SNX30: variants seen among roughly 807,000 people sequenced by gnomAD.
SNX30 encodes sorting nexin-30.
In SNX30, 24 loss-of-function variants were observed where a neutral mutation model predicts 46.4. That is an observed-to-expected ratio of 0.52 (90% CI 0.37 to 0.73). SNX30 has a LOEUF of 0.73. Ranked by LOEUF, SNX30 falls within the 30% of genes least tolerant of loss-of-function variation. The pLI is 0.00. For synonymous variants in SNX30, 189 were observed against 211.5 expected, an observed-to-expected ratio of 0.89 and a Z score of 0.92; for missense variants, 533 against 555.7, an observed-to-expected ratio of 0.96 and a Z score of 0.41.
intron 2 of SNX30, among the ~76,000 whole-genome samples, chr9:112,808,698 T>C (rs371631621): frequency 2.6e-4 from 34 of 128,434 alleles, no homozygotes; most frequent in African/African-American, 9.2e-4. Context: ...GCTGACTTTC[T>C]ATACTACTTC....
chr9:112,864,981 A>ACG (rs1319122802), intron 8 of SNX30, among the ~76,000 whole-genome samples: 156 of 89,002 alleles, frequency 1.8e-3, no homozygotes, highest in African/African-American at 2.6e-3. Flanking sequence ...GCGCACGCAC[A>ACG]TGCGCGTGCA....
chr9:112,770,362 G>T (rs1261866122), intron 1 of SNX30, among the ~76,000 whole-genome samples: 1 of 151,776 alleles, frequency 6.6e-6, no homozygotes, highest in Non-Finnish European at 1.5e-5. Context: ...TAGTAGAGAT[G>T]GGGTTTCACC....
intron 6 of SNX30, among the ~76,000 whole-genome samples, chr9:112,844,926 G>T (rs1217707329): frequency 6.6e-6 from 1 of 152,168 alleles, no homozygotes; most frequent in Admixed American, 6.5e-5. Flanking sequence ...GGCCATTTCC[G>T]GTGCCTTTCC....
chr9:112,796,817 A>G lies in SNX30; in HGVS notation c.157-7959A>G, dbSNP rs555678952. Among the ~76,000 whole-genome samples the G allele has an allele frequency of 5.3e-5, 8 of 152,214 alleles. No individual in the cohort carries two copies. The South Asian group carries it at 1.7e-3, about 32-fold the overall frequency. ...ACACTTCTTCACTCCGCCGTGTCCC[A>G]TTGCCCTTCCCAGATGTCCCGTCAT... On this transcript the variant is annotated intron_variant, in intron 1 of 8. Transcript: ENST00000374232.
intron 2 of SNX30, among the ~76,000 whole-genome samples, chr9:112,813,308 AC>A (rs1343414268): frequency 6.6e-6 from 1 of 150,632 alleles, no homozygotes; most frequent in African/African-American, 2.4e-5. Context: ...TACAAAAAAA[AC>A]AAACAAAAAA....
intron 1 of SNX30, among the ~76,000 whole-genome samples, chr9:112,787,809 T>C (rs1307799451): frequency 6.6e-6 from 1 of 151,986 alleles, no homozygotes; most frequent in African/African-American, 2.4e-5. Flanking sequence ...GCTTTTTTTT[T>C]TTTTAAAGAT....
intron 7 of SNX30, among the ~76,000 whole-genome samples, chr9:112,854,649 C>T (rs1228519247): frequency 2.6e-5 from 4 of 152,168 alleles, no homozygotes; most frequent in African/African-American, 9.7e-5. Flanking sequence ...TGTAATGTAA[C>T]AGTGGCAGCA....
downstream of SNX30, among the ~76,000 whole-genome samples, chr9:112,883,333 C>T (rs886199461): frequency 1.3e-5 from 2 of 152,122 alleles, no homozygotes; most frequent in African/African-American, 4.8e-5. Context: ...GGAGAGGCCG[C>T]ACCCAGATAC....
At chr9:112,769,543 C>G (rs1321012693) in intron 1 of SNX30, among the ~76,000 whole-genome samples, 2 of 152,240 alleles carry the variant, frequency 1.3e-5, no homozygotes, top group East Asian at 1.9e-4. Flanking sequence ...ACAGGAAGAG[C>G]TGAATCTTCA....
At chr9:112,779,305 T>G (rs1383040892) in intron 1 of SNX30, among the ~76,000 whole-genome samples, 1 of 152,214 alleles carries the variant, frequency 6.6e-6, no homozygotes, top group East Asian at 1.9e-4. Context: ...TGGTGAGCTT[T>G]TTGTGGATTC....
intron 1 of SNX30, among the ~76,000 whole-genome samples, chr9:112,781,559 G>A (rs787302): frequency 0.94 from 142,750 of 152,326 alleles, 66,968 homozygotes; most frequent in East Asian, 1. Flanking sequence ...CCAAAAGGGT[G>A]TATCTGTCCA....
chr9:112,804,797 G>C lies in SNX30; in HGVS notation c.178G>C (p.Gly60Arg), dbSNP rs759033165. Reference sequence around the variant, plus strand: ...TTAGGATCTCATTTTGCCCAACGGTGGTACTCCAGCAGGTACTTCAAGTCC... The same window carrying C: ...TTAGGATCTCATTTTGCCCAACGGTCGTACTCCAGCAGGTACTTCAAGTCC... ...GDKDLILPNG[G>R]TPAGTSSPAS... The change falls in exon 2 of 9, where the codon GGT (glycine) becomes CGT (arginine). Residue 60 changes from glycine (G) to arginine (R), a missense_variant. Gly to Arg is a moderately radical substitution (Grantham distance 125, BLOSUM62 -2). Coordinates refer to ENST00000374232, the MANE Select transcript of SNX30 (RefSeq NM_001012994.2). 2 of 1,610,400 alleles carry C rather than the reference G, an allele frequency of 1.2e-6. No individual in the cohort carries two copies. The highest frequency in any genetic ancestry group is 1.3e-5 in the African/African-American group (1 of 74,778).
At position 112,850,949 on chromosome 9, in the gene SNX30, A is replaced by T; in HGVS notation, c.1101+4A>T. ...GCGGAAGGAAGACCGCCCCAAGGTC[A>T]GGGAAGCCACCTGGGAAGGGCTGCA... On this transcript the variant is annotated splice_donor_region_variant and intron_variant, in intron 7 of 8. Coordinates refer to ENST00000374232, the MANE Select transcript of SNX30 (RefSeq NM_001012994.2). 6.2e-7 allele frequency: 1 copy of T among 1,613,458 alleles called. No individual in the cohort carries two copies. The highest frequency in any genetic ancestry group is 8.5e-7 in the Non-Finnish European group (1 of 1,179,478).
intron 1 of SNX30, among the ~76,000 whole-genome samples, chr9:112,775,123 A>G (rs1288809087): frequency 3.4e-5 from 5 of 145,932 alleles, no homozygotes; most frequent in Non-Finnish European, 7.5e-5. Flanking sequence ...TACAGGTATG[A>G]GCCCCTGTGC....
intron 1 of SNX30, among the ~76,000 whole-genome samples, chr9:112,793,098 C>T (rs552610722): frequency 5.3e-5 from 8 of 152,242 alleles, no homozygotes; most frequent in African/African-American, 1.9e-4. Flanking sequence ...TAATTCAGAC[C>T]TGCTATTTGC....
At chr9:112,859,651 G>T (rs540887666) in intron 7 of SNX30, among the ~76,000 whole-genome samples, 1 of 151,652 alleles carries the variant, frequency 6.6e-6, no homozygotes, top group Admixed American at 6.6e-5. Flanking sequence ...TTTCTCTGTC[G>T]CCCAGGCTAG....
chr9:112,871,883 A>T lies in SNX30; in HGVS notation c.*3040A>T, dbSNP rs1434440436. ...CAGAGCGAGGAACCACTGCTCCTCA[A>T]TGGGGAGGGAACATACCACCCAGCC... On this transcript the variant is annotated 3_prime_UTR_variant, in exon 9 of 9. Coordinates refer to ENST00000374232, the MANE Select transcript of SNX30 (RefSeq NM_001012994.2). 6.6e-6 allele frequency: 1 copy of T among 152,196 alleles called. No individual in the cohort carries two copies. Among genetic ancestry groups the T allele is most frequent in the Non-Finnish European group, 1.5e-5 (1 of 68,048 alleles). The allele number at this position is 152,196 out of a possible 1,614,324, so 9.4% of individuals were successfully genotyped here.
rs750012724 is a variant in SNX30, at chr9:112,868,845, G to C, written c.*2G>C. On this transcript the variant is annotated 3_prime_UTR_variant, in exon 9 of 9. Coordinates refer to ENST00000374232, the MANE Select transcript of SNX30 (RefSeq NM_001012994.2). ...CAGGAGAAACAAGAGGCCAAGTAAAGTTCTTTCTTGGGACGGAGACTCTTC... is the reference window on the plus strand; with the variant it reads ...CAGGAGAAACAAGAGGCCAAGTAAACTTCTTTCTTGGGACGGAGACTCTTC... 6.2e-7 allele frequency: 1 copy of C among 1,613,986 alleles called. No homozygotes were observed. The highest frequency in any genetic ancestry group is 1.1e-5 in the South Asian group (1 of 91,074).
rs1046390301 is a variant in SNX30, at chr9:112,873,160, T to C, written c.*4317T>C. The C allele has an allele frequency of 1.3e-5, 2 of 152,224 alleles. No homozygotes were observed. Among genetic ancestry groups the C allele is most frequent in the African/African-American group, 4.8e-5 (2 of 41,456 alleles). 9.4% of individuals were successfully genotyped at this position (152,224 alleles called of 1,614,324 possible). On this transcript the variant is annotated 3_prime_UTR_variant, in exon 9 of 9. Coordinates refer to ENST00000374232, the MANE Select transcript of SNX30 (RefSeq NM_001012994.2). ...ATTTGAGATACATCCTGAGTATGAC[T>C]GTCTAACCCTTTCTGTGTGGCAGAA...
Sources: gnomAD v4.1 joint callset for allele counts (sites outside exome capture counted in the v4.1 genomes callset) on GRCh38, gnomAD v4.1.1 for gene constraint, MANE v1.5 for transcripts, NCBI Gene and HGNC (gene_info 2026-07-23, HGNC 2026-07-21) for gene names.